Variants in SENP1 observed in about 807,000 individuals in gnomAD.
SENP1 encodes the protein SUMO specific peptidase 1.
Under a neutral mutation model 93.0 loss-of-function variants are expected in SENP1, and 21 were observed. That is an observed-to-expected ratio of 0.23 (90% CI 0.16 to 0.33). The LOEUF (loss-of-function observed/expected upper bound fraction) is 0.33. Among genes scored for constraint, SENP1 ranks in the 10% least tolerant of loss-of-function variants. SENP1 has a pLI of 1.00. For synonymous variants in SENP1, 256 were observed against 259.6 expected (o/e 0.99, Z 0.13); for missense variants, 591 against 758.7 (o/e 0.78, Z 2.60).
intron 9 of SENP1, among the ~76,000 whole-genome samples, chr12:48,070,105 CAT>C (rs1402373728): frequency 6.6e-6 from 1 of 152,164 alleles, no homozygotes; most frequent in Non-Finnish European, 1.5e-5. Flanking sequence ...CAGAAGTTCA[CAT>C]GTGAGTTGAG....
Position 48,043,862 on chromosome 12 carries a change from C to T in SENP1, c.*1460G>A, listed in dbSNP as rs1941167602. The T allele has an allele frequency of 6.6e-6, 1 of 152,490 alleles. No individual in the cohort carries two copies. The highest frequency in any genetic ancestry group is 2.4e-5 in the African/African-American group (1 of 41,412). The allele number at this position is 152,490 out of a possible 1,614,324, so 9.4% of individuals were successfully genotyped here. A position where few individuals can be genotyped will look rare whatever the true frequency, so the allele number is the denominator to read the frequency against. ...AGCTTGTATAAAACAGTAAAATTTTCAAATAAGCCCAGGGAAAAAGCACAA... is the reference window on the plus strand; with the variant it reads ...AGCTTGTATAAAACAGTAAAATTTTTAAATAAGCCCAGGGAAAAAGCACAA... On this transcript the variant is annotated 3_prime_UTR_variant, in exon 18 of 18. Transcript: ENST00000549518.
At chr12:48,067,852 G>T (rs4760679) in intron 9 of SENP1, among the ~76,000 whole-genome samples, 107,486 of 151,692 alleles carry the variant, frequency 0.71, 39,014 homozygotes, top group East Asian at 0.99. Context: ...GCTTGGCACA[G>T]AGTAGGCATT....
intron 6 of SENP1, among the ~76,000 whole-genome samples, chr12:48,082,454 C>T (rs1045194670): frequency 3.3e-5 from 5 of 152,290 alleles, no homozygotes; most frequent in South Asian, 2.1e-4. Flanking sequence ...GACCTATGAC[C>T]CTTATTTTCC....
At chr12:48,076,835 C>T (rs1449083252) in intron 6 of SENP1, among the ~76,000 whole-genome samples, 8 of 151,548 alleles carry the variant, frequency 5.3e-5, no homozygotes, top group South Asian at 2.1e-4. Flanking sequence ...TTAGTAGAGA[C>T]GGGGTTTCAC....
intron 5 of SENP1, chr12:48,085,282 T>C: frequency 6.5e-7 from 1 of 1,548,544 alleles, no homozygotes. Flanking sequence ...GCAGAGATGG[T>C]GCAGCATGCC....
At chr12:48,084,650 GT>G (rs1326921696) in intron 5 of SENP1, among the ~76,000 whole-genome samples, 1 of 151,982 alleles carries the variant, frequency 6.6e-6, no homozygotes, top group African/African-American at 2.4e-5. Context: ...GTTTCACCAT[GT>G]TAGCTAGGCT....
At chr12:48,095,455 G>C (rs1019473359) in intron 4 of SENP1, among the ~76,000 whole-genome samples, 3 of 147,404 alleles carry the variant, frequency 2.0e-5, no homozygotes, top group Non-Finnish European at 4.4e-5. Flanking sequence ...AGAATTGCTT[G>C]AACCTAGGAG....
intron 2 of SENP1, among the ~76,000 whole-genome samples, chr12:48,099,949 A>T (rs1354229453): frequency 6.6e-6 from 1 of 152,250 alleles, no homozygotes; most frequent in Non-Finnish European, 1.5e-5. Flanking sequence ...TTGTTACTAT[A>T]GAAGAGCTAG....
chr12:48,062,395 C>T (rs1943016621), intron 13 of SENP1, among the ~76,000 whole-genome samples: 1 of 152,130 alleles, frequency 6.6e-6, no homozygotes, highest in African/African-American at 2.4e-5. Flanking sequence ...CCAAAAGAGG[C>T]AAAGAGGGTT....
chr12:48,094,994 G>C (rs987605709), intron 4 of SENP1, among the ~76,000 whole-genome samples: 14 of 152,136 alleles, frequency 9.2e-5, no homozygotes, highest in South Asian at 8.3e-4. Flanking sequence ...AATGGTAGTA[G>C]AGTTACGTTT....
At chr12:48,075,955 C>T (rs1944038694) in intron 6 of SENP1, among the ~76,000 whole-genome samples, 1 of 152,070 alleles carries the variant, frequency 6.6e-6, no homozygotes, top group South Asian at 2.1e-4. Context: ...CATGCAAAGC[C>T]CTGAGAGAGG....
chr12:48,045,743 G>A (rs537220562), intron 17 of SENP1, among the ~76,000 whole-genome samples: 30 of 152,288 alleles, frequency 2.0e-4, no homozygotes, highest in Admixed American at 3.9e-4. Context: ...AGAATTAAGG[G>A]AACTTGAAGA....
At chr12:48,099,366 A>AAAAAC (rs1449007539) in intron 2 of SENP1, among the ~76,000 whole-genome samples, 1 of 152,022 alleles carries the variant, frequency 6.6e-6, no homozygotes, top group African/African-American at 2.4e-5. Flanking sequence ...AAACACAAAC[A>AAAAAC]AAAAACAAAA....
intron 13 of SENP1, among the ~76,000 whole-genome samples, chr12:48,056,005 T>C (rs1240972657): frequency 2.3e-5 from 3 of 130,202 alleles, no homozygotes; most frequent in South Asian, 2.2e-4. Flanking sequence ...ATTTAATATA[T>C]ATTTTAATAT....
chr12:48,085,202 G>C, intron 5 of SENP1: 3 of 1,494,548 alleles, frequency 2.0e-6, no homozygotes, highest in Admixed American at 3.4e-5. Context: ...CCATCAATGA[G>C]ATCGAAGACA....
At chr12:48,094,438 G>A (rs764214361) in intron 4 of SENP1, among the ~76,000 whole-genome samples, 7 of 152,106 alleles carry the variant, frequency 4.6e-5, no homozygotes, top group Non-Finnish European at 8.8e-5. Flanking sequence ...CCAGCACTCT[G>A]GGAGGCCGAG....
At chr12:48,101,265 G>A (rs1352280990) in intron 2 of SENP1, among the ~76,000 whole-genome samples, 1 of 152,216 alleles carries the variant, frequency 6.6e-6, no homozygotes, top group Non-Finnish European at 1.5e-5. Flanking sequence ...CAGCCTGGGT[G>A]ACAGAGCAAG....
At chr12:48,091,991 G>C (rs1945253289) in intron 4 of SENP1, among the ~76,000 whole-genome samples, 1 of 152,048 alleles carries the variant, frequency 6.6e-6, no homozygotes, top group Non-Finnish European at 1.5e-5. Flanking sequence ...AAAGTAAACT[G>C]TAAAAAAGTT....
chr12:48,060,570 C>T (rs527701738), intron 13 of SENP1, among the ~76,000 whole-genome samples: 35 of 152,320 alleles, frequency 2.3e-4, no homozygotes, highest in Admixed American at 1.7e-3. Flanking sequence ...AATTTTTCCT[C>T]TCTCCCTTTT....
Sources: gnomAD v4.1 joint callset for allele counts (sites outside exome capture counted in the v4.1 genomes callset) on GRCh38, gnomAD v4.1.1 for gene constraint, MANE v1.5 for transcripts, NCBI Gene and HGNC (gene_info 2026-07-23, HGNC 2026-07-21) for gene names.